Variants in CREM observed in about 807,000 individuals in gnomAD.
CREM encodes cAMP responsive element modulator.
Under a neutral mutation model 37.3 loss-of-function variants are expected in CREM, and 13 were observed. The observed-to-expected ratio is 0.35, with a 90% CI of 0.23 to 0.55. The LOEUF is 0.55. Among genes scored for constraint, CREM ranks in the 20% least tolerant of loss-of-function variants. CREM has a pLI of 0.88. For missense variants in CREM, 296 were observed against 362.3 expected (o/e 0.82, Z 1.49); for synonymous variants, 124 against 120.2 (o/e 1.03, Z -0.21).
chr10:35,189,145 A>T (rs1458996612), intron 6 of CREM, among the ~76,000 whole-genome samples: 3 of 150,684 alleles, frequency 2.0e-5, no homozygotes, highest in Non-Finnish European at 4.4e-5. Flanking sequence ...TAGGCAACTC[A>T]TTTCAAAACA....
intron 6 of CREM, among the ~76,000 whole-genome samples, chr10:35,189,493 T>C (rs1218491064): frequency 1.1e-4 from 12 of 109,834 alleles, no homozygotes; most frequent in South Asian, 2.9e-4. Context: ...TGCTTGCTTG[T>C]TTGTTTGTTT....
intron 2 of CREM, among the ~76,000 whole-genome samples, chr10:35,145,380 C>T (rs2091956534): frequency 6.6e-6 from 1 of 152,120 alleles, no homozygotes; most frequent in Non-Finnish European, 1.5e-5. Flanking sequence ...CTGGTGAAAT[C>T]CTACTCACCC....
intron 2 of CREM, among the ~76,000 whole-genome samples, chr10:35,146,392 G>A (rs2092115873): frequency 1.3e-5 from 2 of 152,224 alleles, no homozygotes; most frequent in Admixed American, 6.5e-5. Context: ...GCAGATTGAA[G>A]CTTTTGAGAT....
At chr10:35,156,219 G>T (rs983756877) in intron 3 of CREM, among the ~76,000 whole-genome samples, 7 of 150,888 alleles carry the variant, frequency 4.6e-5, no homozygotes, top group African/African-American at 1.7e-4. Flanking sequence ...GATTACAGGC[G>T]TGAGCCACAG....
chr10:35,132,126 G>A (rs1020913062), intron 1 of CREM, among the ~76,000 whole-genome samples: 3 of 151,162 alleles, frequency 2.0e-5, no homozygotes, highest in South Asian at 2.1e-4. Flanking sequence ...GCTTGAACCC[G>A]GGAGTTGGAG....
chr10:35,129,164 G>A (rs2088801273), intron 1 of CREM, among the ~76,000 whole-genome samples: 1 of 152,196 alleles, frequency 6.6e-6, no homozygotes, highest in Non-Finnish European at 1.5e-5. Flanking sequence ...TCATTTTGGT[G>A]ATTGCGAAGT....
At chr10:35,131,401 G>A (rs1438632108) in intron 1 of CREM, among the ~76,000 whole-genome samples, 1 of 152,086 alleles carries the variant, frequency 6.6e-6, no homozygotes, top group Non-Finnish European at 1.5e-5. Context: ...CAAAATAGCA[G>A]ATAGTTTTGT....
At chr10:35,158,841 GA>G (rs1338608973) in intron 3 of CREM, among the ~76,000 whole-genome samples, 1 of 118,416 alleles carries the variant, frequency 8.4e-6, no homozygotes, top group African/African-American at 3.2e-5. Flanking sequence ...TTTTTTTACA[GA>G]CTTAGAACTT....
At chr10:35,179,303 A>T in intron 5 of CREM, 27 bp downstream of exon 5, 1 of 1,611,300 alleles carries the variant, frequency 6.2e-7, no homozygotes, top group Non-Finnish European at 8.5e-7. Context: ...TCGATATGAT[A>T]CAGTGCTAGC....
chr10:35,211,454 T>TA lies in CREM; in HGVS notation c.*57dup. ...ATCAAGGCAGGAGATGCAGCAGTCC[T>TA]ACTTATTGCCATGTGGACTTGTGGG... On this transcript the variant is annotated 3_prime_UTR_variant, in exon 8 of 8. Transcript: ENST00000685392. The TA allele has an allele frequency of 6.3e-7, 1 of 1,576,112 alleles. No homozygotes were observed. The highest frequency in any genetic ancestry group is 8.6e-7 in the Non-Finnish European group (1 of 1,159,556).
chr10:35,138,907 T>G (rs897569640), intron 2 of CREM, among the ~76,000 whole-genome samples: 3 of 151,870 alleles, frequency 2.0e-5, no homozygotes, highest in African/African-American at 7.3e-5. Flanking sequence ...GAAAAAAAAT[T>G]GTTTTAATGG....
chr10:35,134,058 T>TG (rs1564785348), intron 1 of CREM, among the ~76,000 whole-genome samples: 1 of 151,558 alleles, frequency 6.6e-6, no homozygotes, highest in Non-Finnish European at 1.5e-5. Flanking sequence ...GTTTTTTGTT[T>TG]TTTTTTTTTT....
Position 35,211,287 on chromosome 10 carries a change from A to C in CREM, c.789A>C (p.Lys263Asn), listed in dbSNP as rs1308365568. The change falls in exon 8 of 8, where the codon AAA (lysine) becomes AAC (asparagine). Residue 263 changes from lysine (K) to asparagine (N), a missense_variant. Coordinates refer to ENST00000685392, the MANE Select transcript of CREM (RefSeq NM_183011.2). ...CCCGGGAGTGTCGCAGGAAGAAGAAAGAATATGTCAAATGTCTTGAAAATC... is the reference window on the plus strand; with the variant it reads ...CCCGGGAGTGTCGCAGGAAGAAGAACGAATATGTCAAATGTCTTGAAAATC... ...EAARECRRKK[K>N]EYVKCLENRV... 1 of 1,614,072 alleles carries C rather than the reference A, an allele frequency of 6.2e-7. No homozygotes were observed. Among genetic ancestry groups the C allele is most frequent in the Non-Finnish European group, 8.5e-7 (1 of 1,180,034 alleles).
In CREM at chr10:35,211,862, T is replaced by C; in HGVS notation, c.*464T>C. ...TAGTTGCTTTTGAAGGAATACAATA[T>C]ATAGCTGGCAAGAATGGTGGCTTCT... On this transcript the variant is annotated 3_prime_UTR_variant, in exon 8 of 8. Coordinates refer to ENST00000685392, the MANE Select transcript of CREM (RefSeq NM_183011.2). The C allele has an allele frequency of 6.9e-7, 1 of 1,451,346 alleles. No individual in the cohort carries two copies. Among genetic ancestry groups the C allele is most frequent in the Non-Finnish European group, 9.2e-7 (1 of 1,090,000 alleles). The allele number at this position is 1,451,346 out of a possible 1,614,324, so 89.9% of individuals were successfully genotyped here.
chr10:35,195,903 TA>T, intron 6 of CREM: 1 of 660,350 alleles, frequency 1.5e-6, no homozygotes, highest in Non-Finnish European at 2.6e-6. Context: ...TTCCGCTTTG[TA>T]AAATGCTGCT....
At chr10:35,164,356 G>A (rs2093435786) in intron 3 of CREM, among the ~76,000 whole-genome samples, 1 of 152,186 alleles carries the variant, frequency 6.6e-6, no homozygotes, top group South Asian at 2.1e-4. Context: ...AAAATATATT[G>A]TATTCGGAAT....
At chr10:35,196,253 G>T (rs986980307) in intron 6 of CREM, 50 of 594,450 alleles carry the variant, frequency 8.4e-5, no homozygotes, top group Non-Finnish European at 2.6e-5. Context: ...TGTTCAGTCA[G>T]GGAAGTGCTT....
Position 35,148,305 on chromosome 10 carries a change from A to G in CREM, c.45-63A>G. 4.0e-6 allele frequency: 6 copies of G among 1,499,380 alleles called. No homozygotes were observed. In the South Asian group the frequency reaches 6.4e-5, roughly 16 times the overall value. 92.9% of individuals were successfully genotyped at this position (1,499,380 alleles called of 1,614,324 possible). A position where few individuals can be genotyped will look rare whatever the true frequency, so the allele number is the denominator to read the frequency against. ...TGGATTTTTGGATTAGGGATGTTCA[A>G]CCTGTATTTCCAAATACTTAAGATA... is the stretch of plus-strand genomic sequence containing the variant. On this transcript the variant is annotated intron_variant, in intron 2 of 7. Transcript: ENST00000685392.
At chr10:35,188,969 C>A (rs369607736) in intron 6 of CREM, among the ~76,000 whole-genome samples, 4 of 152,074 alleles carry the variant, frequency 2.6e-5, no homozygotes, top group Non-Finnish European at 5.9e-5. Flanking sequence ...CCACCGCACC[C>A]GGCCACATGA....
Sources: allele counts gnomAD v4.1 joint callset (sites outside exome capture counted in the v4.1 genomes callset), GRCh38; gene constraint gnomAD v4.1.1; transcripts MANE v1.5; gene names NCBI Gene and HGNC (gene_info 2026-07-23, HGNC 2026-07-21).